The following SHROOM3 variants were observed in gnomAD, a reference collection of about 807,000 sequenced individuals.
The protein encoded by SHROOM3 is shroom family member 3, also known as protein Shroom3.
In SHROOM3, 47 loss-of-function variants were observed where a neutral mutation model predicts 138.6. The ratio of observed to expected loss-of-function variants is 0.34; its 90% CI spans 0.27 to 0.43. The LOEUF is 0.43. SHROOM3 is among the 20% of genes least tolerant of loss of function. SHROOM3 has a pLI of 1.00. For synonymous variants in SHROOM3, 1,062 were observed against 1,063.3 expected (o/e 1.00, Z 0.02); for missense variants, 2,491 against 2,596.5 (o/e 0.96, Z 0.88).
chr4:76,646,469 A>C (rs1239560767), intron 2 of SHROOM3, among the ~76,000 whole-genome samples: 1 of 151,960 alleles, frequency 6.6e-6, no homozygotes, highest in Non-Finnish European at 1.5e-5. Context: ...ATCTTCACCT[A>C]TTATTCCCAT....
At chr4:76,720,135 GA>G (rs1720492041) in intron 3 of SHROOM3, among the ~76,000 whole-genome samples, 1 of 147,202 alleles carries the variant, frequency 6.8e-6, no homozygotes, top group African/African-American at 2.5e-5. Context: ...AAAAGCCTTG[GA>G]AAAGTGTTTT....
At chr4:76,599,472 C>G (rs957063668) in intron 2 of SHROOM3, among the ~76,000 whole-genome samples, 1 of 152,162 alleles carries the variant, frequency 6.6e-6, no homozygotes, top group Non-Finnish European at 1.5e-5. Context: ...CTCCTTTATT[C>G]TTTCTTTCAA....
chr4:76,600,984 C>T (rs1451030939), intron 2 of SHROOM3, among the ~76,000 whole-genome samples: 2 of 152,178 alleles, frequency 1.3e-5, no homozygotes, highest in African/African-American at 4.8e-5. Flanking sequence ...TTTTATACTA[C>T]TCTAAAATCT....
chr4:76,749,201 T>G (rs1721545134), intron 6 of SHROOM3, 111 bp downstream of exon 6: 1 of 1,071,648 alleles, frequency 9.3e-7, no homozygotes, highest in African/African-American at 1.6e-5. Flanking sequence ...TGTCACATGC[T>G]TTTTTGATTT....
At chr4:76,761,392 C>A (rs1721984466) in intron 9 of SHROOM3, among the ~76,000 whole-genome samples, 1 of 152,194 alleles carries the variant, frequency 6.6e-6, no homozygotes, top group Non-Finnish European at 1.5e-5. Context: ...GTATTTCATT[C>A]CAAGTGTGGG....
At chr4:76,536,941 C>T (rs893924548) in intron 1 of SHROOM3, among the ~76,000 whole-genome samples, 7 of 152,000 alleles carry the variant, frequency 4.6e-5, no homozygotes, top group African/African-American at 1.7e-4. Flanking sequence ...GGTGAAACCC[C>T]ATCTGTACTA....
At chr4:76,639,258 G>A (rs1279471893) in intron 2 of SHROOM3, among the ~76,000 whole-genome samples, 1 of 152,134 alleles carries the variant, frequency 6.6e-6, no homozygotes. Flanking sequence ...TGTTGAGGTA[G>A]ATAGCCTCTG....
chr4:76,675,187 G>A (rs1328474891), intron 2 of SHROOM3, among the ~76,000 whole-genome samples: 1 of 152,130 alleles, frequency 6.6e-6, no homozygotes, highest in Non-Finnish European at 1.5e-5. Flanking sequence ...GTGTGTGTAG[G>A]GAGTAGGAGG....
Position 76,689,604 on chromosome 4 carries a change from C to G in SHROOM3, c.324-20552C>G, listed in dbSNP as rs867752928. The G allele has an allele frequency of 2.9e-4, 286 of 985,202 alleles. No individual in the cohort carries two copies. The Middle Eastern group carries it at 0.01, about 36-fold the overall frequency. 61.0% of individuals were successfully genotyped at this position (985,202 alleles called of 1,614,324 possible). ...GCGCGTTGGGCCCCGCCGGCGATGCCGCGCGCCGCCTCCTCGGAGCGGCGG... is the reference window on the plus strand; with the variant it reads ...GCGCGTTGGGCCCCGCCGGCGATGCGGCGCGCCGCCTCCTCGGAGCGGCGG... On this transcript the variant is annotated intron_variant, in intron 2 of 10. Transcript: ENST00000296043.
At chr4:76,548,755 C>T (rs1279613123) in intron 1 of SHROOM3, among the ~76,000 whole-genome samples, 8 of 152,166 alleles carry the variant, frequency 5.3e-5, no homozygotes, top group African/African-American at 1.7e-4. Flanking sequence ...AAAGCAAAGT[C>T]GACTTCTCCT....
At chr4:76,586,162 C>A in intron 2 of SHROOM3, 1 of 804,106 alleles carries the variant, frequency 1.2e-6, no homozygotes, top group Non-Finnish European at 1.5e-6. Context: ...CAGCTCCTGT[C>A]AGGCAGGCGG....
chr4:76,666,947 T>C (rs1718708885), intron 2 of SHROOM3, among the ~76,000 whole-genome samples: 1 of 152,190 alleles, frequency 6.6e-6, no homozygotes, highest in Admixed American at 6.5e-5. Flanking sequence ...TTTGGGAATG[T>C]TATGCTAAGT....
intron 1 of SHROOM3, among the ~76,000 whole-genome samples, chr4:76,453,789 G>A (rs1306502678): frequency 6.6e-6 from 1 of 152,082 alleles, no homozygotes; most frequent in Non-Finnish European, 1.5e-5. Context: ...CCCCCTATCA[G>A]ATGTGTGATT....
At chr4:76,643,156 G>A (rs1415605315) in intron 2 of SHROOM3, among the ~76,000 whole-genome samples, 1 of 150,376 alleles carries the variant, frequency 6.6e-6, no homozygotes, top group Non-Finnish European at 1.5e-5. Context: ...GGAGCTTGTG[G>A]TGAGCCGAAA....
At chr4:76,749,683 T>A (rs1721558358) in intron 6 of SHROOM3, among the ~76,000 whole-genome samples, 1 of 152,210 alleles carries the variant, frequency 6.6e-6, no homozygotes, top group Non-Finnish European at 1.5e-5. Context: ...AAATCATAAC[T>A]TTATACATGT....
rs547293902 is a variant in SHROOM3, at chr4:76,756,602, C to T, written c.4863C>T (p.His1621=). Residue 1621 remains histidine, a synonymous_variant, in exon 8 of 11, where the codon CAC becomes CAT. Transcript: ENST00000296043. ...CACCACCCTCCTTCATGAGCGTTCA[C>T]GCCCAACTTGCTGGGTCTCTTGGTG... ...ESTPPSFMSV[H]AQLAGSLGGQ... is the part of the protein sequence containing the mutation. 14 of 1,613,664 alleles carry T rather than the reference C, an allele frequency of 8.7e-6. No homozygotes were observed. Among genetic ancestry groups the T allele is most frequent in the South Asian group, 2.2e-5 (2 of 91,026 alleles).
intron 6 of SHROOM3, among the ~76,000 whole-genome samples, chr4:76,752,037 C>T (rs529626773): frequency 3.3e-5 from 5 of 152,336 alleles, no homozygotes; most frequent in African/African-American, 1.2e-4. Context: ...ATTTACTATT[C>T]ACAATAGCCA....
At chr4:76,639,419 C>G (rs1735597350) in intron 2 of SHROOM3, 1 of 394,490 alleles carries the variant, frequency 2.5e-6, no homozygotes, top group South Asian at 1.4e-4. Context: ...GGCAAGTTGG[C>G]TGGGAGGTGC....
intron 1 of SHROOM3, among the ~76,000 whole-genome samples, chr4:76,462,460 G>A (rs534412191): frequency 5.3e-5 from 8 of 152,066 alleles, no homozygotes; most frequent in South Asian, 4.2e-4. Flanking sequence ...TAAGATAGAC[G>A]AGCCCAAACT....
Sources: gnomAD v4.1 joint callset for allele counts (sites outside exome capture counted in the v4.1 genomes callset) on GRCh38, gnomAD v4.1.1 for gene constraint, MANE v1.5 for transcripts, NCBI Gene and HGNC (gene_info 2026-07-23, HGNC 2026-07-21) for gene names.